SETMAR: variants seen among roughly 807,000 people sequenced by gnomAD.
SETMAR encodes the protein histone-lysine N-methyltransferase SETMAR.
A neutral mutation model predicts 58.4 loss-of-function variants in SETMAR; 44 were observed. The observed-to-expected ratio is 0.75, with a 90% CI of 0.59 to 0.97. The LOEUF (loss-of-function observed/expected upper bound fraction) is 0.97, where lower values mean the gene tolerates loss of function less well. Among genes scored for constraint, SETMAR ranks in the 50% least tolerant of loss-of-function variants. The pLI is 0.00. For synonymous variants in SETMAR, 332 were observed against 307.4 expected, an observed-to-expected ratio of 1.08 and a Z score of -0.84; for missense variants, 903 against 840.2, an observed-to-expected ratio of 1.07 and a Z score of -0.92.
At chr3:4,315,570 A>T (rs1187239657) in intron 2 of SETMAR, among the ~76,000 whole-genome samples, 1 of 152,164 alleles carries the variant, frequency 6.6e-6, no homozygotes, top group Admixed American at 6.5e-5. Context: ...TTCCTAAGGT[A>T]AGAGTCAAAG....
In SETMAR at chr3:4,313,412, AT is replaced by A. The variant is rs907120390; in HGVS notation, c.673del (p.Ser225LeufsTer7). On this transcript the variant is annotated frameshift_variant, in exon 2 of 3. Coordinates refer to ENST00000358065, the MANE Select transcript of SETMAR (RefSeq NM_006515.4). LOFTEE classifies it high-confidence loss of function. ...YIGNIGRFLN[H>X]SCEPNLLMIP... ...GGAAATATTGGAAGATTCCTTAATC[AT>A]TCTTGTGAGCCAAACCTTTTGATGA... The A allele has an allele frequency of 7.4e-6, 12 of 1,613,946 alleles. No homozygotes were observed. In the Admixed American group the frequency reaches 1.8e-4, roughly 25 times the overall value.
In SETMAR at chr3:4,303,460, C is replaced by G; in HGVS notation, c.90C>G (p.Val30=). 3 of 1,533,582 alleles carry G rather than the reference C, an allele frequency of 2.0e-6. No individual in the cohort carries two copies. Among genetic ancestry groups the G allele is most frequent in the Non-Finnish European group, 2.6e-6 (3 of 1,146,112 alleles). The allele number at this position is 1,533,582 out of a possible 1,614,324, so 95.0% of individuals were successfully genotyped here. A position where few individuals can be genotyped will look rare whatever the true frequency, so the allele number is the denominator to read the frequency against. Residue 30 remains valine, a synonymous_variant, in exon 1 of 3, where the codon GTC becomes GTG. Transcript: ENST00000358065. ...AGGCCCCGACTGAGCAGCTGGATGT[C>G]GCGTGCGGCCAGGAAAACTTGCCGG... is the stretch of plus-strand genomic sequence containing the variant. ...KPEAPTEQLD[V]ACGQENLPVG... is the part of the protein sequence containing the mutation.
chr3:4,308,381 A>G (rs1188841642), intron 1 of SETMAR, among the ~76,000 whole-genome samples: 6 of 151,538 alleles, frequency 4.0e-5, no homozygotes, highest in Non-Finnish European at 7.4e-5. Context: ...TTTCTTTCAC[A>G]GAAACCTATG....
At chr3:4,306,151 T>TGTGC (rs1239192954) in intron 1 of SETMAR, among the ~76,000 whole-genome samples, 1 of 152,242 alleles carries the variant, frequency 6.6e-6, no homozygotes. Context: ...TGCGTGTGTG[T>TGTGC]GTGCGTTTGA....
rs753490145 is a variant in SETMAR at position 4,316,232 on chromosome 3, C to G, written c.1041C>G (p.Asp347Glu). ...TTTAGACTATGAAAATGATGTTAGA[C>G]AAAAAGCAAATTCGAGCAATTTTCT... ...LTLETMKMMLDKKQIRAIFLF... is the reference protein window; with the variant it reads ...LTLETMKMMLEKKQIRAIFLF... Residue 347 changes from aspartate to glutamate, a missense_variant, in exon 3 of 3, where the codon GAC (aspartate) becomes GAG (glutamate). By Grantham distance (45) the Asp-to-Glu change is conservative (BLOSUM62 2). Coordinates refer to ENST00000358065, the MANE Select transcript of SETMAR (RefSeq NM_006515.4). 2.3e-5 allele frequency: 17 copies of G among 727,244 alleles called. No homozygotes were observed. The highest frequency in any genetic ancestry group is 3.9e-5 in the Non-Finnish European group (16 of 410,758). 45.0% of individuals were successfully genotyped at this position (727,244 alleles called of 1,614,324 possible).
At chr3:4,315,325 A>C (rs939731286) in intron 2 of SETMAR, among the ~76,000 whole-genome samples, 1 of 152,242 alleles carries the variant, frequency 6.6e-6, no homozygotes, top group Non-Finnish European at 1.5e-5. Context: ...GTTAGAAGGA[A>C]AATGATTGGC....
At chr3:4,314,031 G>T in intron 2 of SETMAR, 1 of 554,910 alleles carries the variant, frequency 1.8e-6, no homozygotes, top group South Asian at 2.7e-5. Flanking sequence ...GTCCTTAAAT[G>T]GAGATATCCT....
At chr3:4,308,414 T>C in intron 1 of SETMAR, among the ~76,000 whole-genome samples, 1 of 152,328 alleles carries the variant, frequency 6.6e-6, no homozygotes, top group South Asian at 2.1e-4. Flanking sequence ...TGTTTAGTAA[T>C]GTAAAGTAAT....
intron 2 of SETMAR, 86 bp from the exon 3 acceptor site, chr3:4,316,126 G>T: frequency 1.5e-5 from 8 of 519,778 alleles, no homozygotes; most frequent in East Asian, 3.2e-5. Context: ...ATTCTTAAAT[G>T]TGGTCATGTT....
Position 4,316,221 on chromosome 3 carries a change from A to G in SETMAR, c.1030A>G (p.Met344Val), listed in dbSNP as rs1176515169. ...TTTATGTTTATTTTAGACTATGAAA[A>G]TGATGTTAGACAAAAAGCAAATTCG... ...CKRLTLETMK[M>V]MLDKKQIRAI... The change falls in exon 3 of 3, where the codon ATG (methionine) becomes GTG (valine). Residue 344 changes from methionine to valine, a missense_variant. Coordinates refer to ENST00000358065, the MANE Select transcript of SETMAR (RefSeq NM_006515.4). 1 of 703,564 alleles carries G rather than the reference A, an allele frequency of 1.4e-6. No homozygotes were observed. Among genetic ancestry groups the G allele is most frequent in the African/African-American group, 1.7e-5 (1 of 57,242 alleles). 43.6% of individuals were successfully genotyped at this position (703,564 alleles called of 1,614,324 possible). A position where few individuals can be genotyped will look rare whatever the true frequency, so the allele number is the denominator to read the frequency against.
At position 4,313,362 on chromosome 3, in the gene SETMAR, A is replaced by C; in HGVS notation, c.621A>C (p.Glu207Asp). ...ATGTTTATAATGGGCAGGTAATGGA[A>C]ACATTTGTTGACCCTACTTATATAG... The part of the protein sequence containing the change: ...REHVYNGQVM[E>D]TFVDPTYIGN... The change falls in exon 2 of 3, where the codon GAA becomes GAC. Residue 207 changes from glutamate to aspartate, a missense_variant. Glu to Asp is a conservative substitution (Grantham distance 45). Transcript: ENST00000358065. The C allele has an allele frequency of 6.2e-7, 1 of 1,614,016 alleles. No individual in the cohort carries two copies. Among genetic ancestry groups the C allele is most frequent in the Non-Finnish European group, 8.5e-7 (1 of 1,179,950 alleles).
rs142449470 is a variant in SETMAR, at chr3:4,313,581, T to C, written c.840T>C (p.His280=). Residue 280 remains histidine (H), a synonymous_variant, in exon 2 of 3, where the codon CAT becomes CAC. Coordinates refer to ENST00000358065, the MANE Select transcript of SETMAR (RefSeq NM_006515.4). The stretch of plus-strand genomic sequence containing the variant: ...GTGAAGACAAAGAAAGGCTAGATCA[T>C]GGGAAACTAAGGAAACCTTGTTACT... ...TVSEDKERLD[H]GKLRKPCYCG... is the part of the protein sequence containing the mutation. 1.8e-3 allele frequency: 2,892 copies of C among 1,614,082 alleles called. 10 individuals carry two copies. Among genetic ancestry groups the C allele is most frequent in the Middle Eastern group, 7.1e-3 (43 of 6,062 alleles).
rs1178719509 is a variant in SETMAR, at chr3:4,312,914, T to C, written c.173T>C (p.Val58Ala). Reference protein sequence around the residue: ...PAPFQYTPDHVVGPGADIDPT... With the variant: ...PAPFQYTPDHAVGPGADIDPT... ...TTTTTACAGTACACTCCTGATCATG[T>C]AGTTGGACCTGGAGCAGACATTGAT... Residue 58 changes from valine (V) to alanine (A), a missense_variant, in exon 2 of 3, where the codon GTA becomes GCA. Transcript: ENST00000358065. 1 of 1,611,986 alleles carries C rather than the reference T, an allele frequency of 6.2e-7. No homozygotes were observed. The highest frequency in any genetic ancestry group is 8.5e-7 in the Non-Finnish European group (1 of 1,178,600).
At chr3:4,305,217 C>G (rs1698142988) in intron 1 of SETMAR, among the ~76,000 whole-genome samples, 1 of 152,112 alleles carries the variant, frequency 6.6e-6, no homozygotes, top group South Asian at 2.1e-4. Context: ...TCCCGAGTAG[C>G]TGGAATTACA....
At position 4,316,856 on chromosome 3, in the gene SETMAR, A is replaced by T. The variant is rs1381592565; in HGVS notation, c.1665A>T (p.Thr555=). 2 of 1,549,732 alleles carry T rather than the reference A, an allele frequency of 1.3e-6. No homozygotes were observed. The highest frequency in any genetic ancestry group is 1.7e-6 in the Non-Finnish European group (2 of 1,146,750). Reference sequence around the variant, plus strand: ...TTCTGAATCCCGGTGAAACCATTACATCTGAGAAGTATGCTCAGGAAATCG... The same window carrying T: ...TTCTGAATCCCGGTGAAACCATTACTTCTGAGAAGTATGCTCAGGAAATCG... ...YSFLNPGETI[T]SEKYAQEIDE... is the part of the protein sequence containing the mutation. The change falls in exon 3 of 3, where the codon ACA becomes ACT. Residue 555 remains threonine, a synonymous_variant. Coordinates refer to ENST00000358065, the MANE Select transcript of SETMAR (RefSeq NM_006515.4).
intron 1 of SETMAR, among the ~76,000 whole-genome samples, chr3:4,308,875 G>A (rs575010574): frequency 1.3e-5 from 2 of 152,320 alleles, no homozygotes; most frequent in African/African-American, 4.8e-5. Context: ...GATTTATTCT[G>A]AGCCAAATAT....
intron 1 of SETMAR, among the ~76,000 whole-genome samples, chr3:4,309,020 G>C (rs1003703248): frequency 6.6e-6 from 1 of 152,168 alleles, no homozygotes; most frequent in African/African-American, 2.4e-5. Context: ...ACGTACATTG[G>C]TTCAGTCCAG....
chr3:4,309,917 A>G (rs184064604), intron 1 of SETMAR, among the ~76,000 whole-genome samples: 8 of 152,352 alleles, frequency 5.3e-5, no homozygotes, highest in African/African-American at 1.7e-4. Context: ...CAATTTCGTC[A>G]TTATGCAAAA....
chr3:4,313,372 G>C lies in SETMAR; in HGVS notation c.631G>C (p.Asp211His), dbSNP rs755339402. Residue 211 changes from aspartate to histidine, a missense_variant, in exon 2 of 3, where the codon GAC becomes CAC. Physicochemically the swap from Asp to His is moderately conservative, Grantham distance 81. Coordinates refer to ENST00000358065, the MANE Select transcript of SETMAR (RefSeq NM_006515.4). ...TGGGCAGGTAATGGAAACATTTGTT[G>C]ACCCTACTTATATAGGAAATATTGG... Reference protein sequence around the residue: ...YNGQVMETFVDPTYIGNIGRF... With the variant: ...YNGQVMETFVHPTYIGNIGRF... 1.2e-6 allele frequency: 2 copies of C among 1,613,886 alleles called. No individual in the cohort carries two copies. The highest frequency in any genetic ancestry group is 2.2e-5 in the South Asian group (2 of 91,080).
Sources: allele counts gnomAD v4.1 joint callset (sites outside exome capture counted in the v4.1 genomes callset), GRCh38; gene constraint gnomAD v4.1.1; transcripts MANE v1.5; gene names NCBI Gene and HGNC (gene_info 2026-07-23, HGNC 2026-07-21).